AK8: variants seen among roughly 807,000 people sequenced by gnomAD.
AK8 encodes the protein adenylate kinase 8, also known as ATP-AMP transphosphorylase 8.
AK8 carries 44 observed loss-of-function variants against 54.6 expected under a neutral mutation model. That is an observed-to-expected ratio of 0.81 (90% CI 0.63 to 1.04). The LOEUF (loss-of-function observed/expected upper bound fraction) is 1.04, where lower values mean the gene tolerates loss of function less well. Among genes scored for constraint, AK8 ranks in the 50% least tolerant of loss-of-function variants. The pLI, the probability that AK8 is intolerant of heterozygous loss-of-function variation, is 0.00. For synonymous variants in AK8, 239 were observed against 245.6 expected (o/e 0.97, Z 0.25); for missense variants, 555 against 613.6 (o/e 0.90, Z 1.01).
chr9:132,836,232 G>A (rs1842318598), intron 5 of AK8, among the ~76,000 whole-genome samples: 1 of 152,162 alleles, frequency 6.6e-6, no homozygotes, highest in South Asian at 2.1e-4. Context: ...GAGGCTGCAG[G>A]GAGCTATAAT....
At chr9:132,810,298 C>A (rs375618192) in intron 10 of AK8, among the ~76,000 whole-genome samples, 2 of 152,004 alleles carry the variant, frequency 1.3e-5, no homozygotes, top group Admixed American at 1.3e-4. Flanking sequence ...CATTGAAGAT[C>A]GAAGTGATCC....
At chr9:132,802,234 T>C (rs562845465) in intron 10 of AK8, among the ~76,000 whole-genome samples, 3 of 152,066 alleles carry the variant, frequency 2.0e-5, no homozygotes, top group Non-Finnish European at 4.4e-5. Flanking sequence ...TGAACAAAAC[T>C]AAAATGTTCA....
At chr9:132,848,448 G>C (rs1402448639) in intron 5 of AK8, among the ~76,000 whole-genome samples, 1 of 152,156 alleles carries the variant, frequency 6.6e-6, no homozygotes, top group Non-Finnish European at 1.5e-5. Flanking sequence ...TTGACACTCT[G>C]AGTTAAGAGT....
intron 9 of AK8, among the ~76,000 whole-genome samples, chr9:132,816,843 C>T (rs1247465436): frequency 1.3e-5 from 2 of 152,178 alleles, no homozygotes; most frequent in Non-Finnish European, 2.9e-5. Context: ...TCAGCAGTCT[C>T]ACTGGGTGGA....
intron 3 of AK8, among the ~76,000 whole-genome samples, chr9:132,866,054 C>T (rs777969318): frequency 5.3e-5 from 8 of 149,710 alleles, no homozygotes; most frequent in South Asian, 2.1e-4. Context: ...ATAAATTAGC[C>T]GCGCATGGTG....
At position 132,863,713 on chromosome 9, in the gene AK8, C is replaced by T. The variant is rs548298164; in HGVS notation, c.285G>A (p.Glu95=). ...LLTLENLILN[E]FSYTATEARR... The stretch of plus-strand genomic sequence containing the variant: ...TGGCTTCGGTGGCCGTATAGGAAAA[C>T]TCATTTAAGATCAGGTTCTCCAGGG... The change falls in exon 4 of 13, where the codon GAG becomes GAA. Residue 95 remains glutamate, a synonymous_variant. Coordinates refer to ENST00000298545, the MANE Select transcript of AK8 (RefSeq NM_152572.3). 1.2e-6 allele frequency: 2 copies of T among 1,614,138 alleles called. No individual in the cohort carries two copies. The highest frequency in any genetic ancestry group is 2.2e-5 in the East Asian group (1 of 44,888).
At chr9:132,853,783 C>CAAAAAAAAAA (rs71376669) in intron 5 of AK8, among the ~76,000 whole-genome samples, 22 of 42,590 alleles carry the variant, frequency 5.2e-4, no homozygotes, top group Non-Finnish European at 6.3e-4. Context: ...GACTCTGCCT[C>CAAAAAAAAAA]AAAAAAAAAA....
chr9:132,865,442 C>T (rs565762471), intron 3 of AK8, among the ~76,000 whole-genome samples: 4 of 152,282 alleles, frequency 2.6e-5, no homozygotes, highest in Non-Finnish European at 4.4e-5. Flanking sequence ...AGGAAGGGTT[C>T]GCTGATGTTC....
rs149825252 is a variant in AK8 at position 132,837,235 on chromosome 9, C to T, written c.403-8509G>A. ...TCGGGAGACTGAGGCAGGAGAATCG[C>T]TTGAATCTTGGAGGCAGAGGTTGCA... On this transcript the variant is annotated intron_variant, in intron 5 of 12. Coordinates refer to ENST00000298545, the MANE Select transcript of AK8 (RefSeq NM_152572.3). The surrounding 1 kb of genome is among the most constrained non-coding windows in gnomAD (Gnocchi z 4.3). Among the ~76,000 whole-genome samples the T allele has an allele frequency of 7.5e-3, 1,126 of 149,596 alleles. 12 individuals carry two copies. Among genetic ancestry groups the T allele is most frequent in the African/African-American group, 0.026 (1,061 of 40,850 alleles).
At chr9:132,798,065 C>T (rs976491087) in intron 10 of AK8, among the ~76,000 whole-genome samples, 10 of 152,240 alleles carry the variant, frequency 6.6e-5, no homozygotes, top group South Asian at 2.1e-4. Context: ...CCTCTCCCAG[C>T]GCACAGGGAT....
At chr9:132,793,812 T>C (rs1840040978) in intron 10 of AK8, among the ~76,000 whole-genome samples, 2 of 152,222 alleles carry the variant, frequency 1.3e-5, no homozygotes, top group Admixed American at 1.3e-4. Flanking sequence ...TGGTAAATAT[T>C]ACCATTGTTT....
In AK8 at chr9:132,745,176, C is replaced by T. The variant is rs1004688342; in HGVS notation, c.1122-17642G>A. Among the ~76,000 whole-genome samples the T allele has an allele frequency of 2.6e-5, 4 of 152,242 alleles. No individual in the cohort carries two copies. In the East Asian group the frequency reaches 7.7e-4, roughly 29 times the overall value. ...GAGCGAGATACGCTTTACGGTGGGGCCTTATGAATGTTTACAGGCGATTAA... is the reference window on the plus strand; with the variant it reads ...GAGCGAGATACGCTTTACGGTGGGGTCTTATGAATGTTTACAGGCGATTAA... On this transcript the variant is annotated intron_variant, in intron 11 of 12. Coordinates refer to ENST00000298545, the MANE Select transcript of AK8 (RefSeq NM_152572.3).
intron 11 of AK8, among the ~76,000 whole-genome samples, chr9:132,743,860 C>T (rs1466868223): frequency 1.3e-5 from 2 of 152,204 alleles, no homozygotes; most frequent in Non-Finnish European, 2.9e-5. Context: ...GTGTTGCCTC[C>T]AGGCTGGACT....
In AK8 at chr9:132,791,498, A is replaced by T. The variant is rs139340316; in HGVS notation, c.1121+1136T>A. ...GTTTCTTTTTGTACATGATAAAATC[A>T]TTATAGTGCTCGTTTGGAATAATAA... is the stretch of plus-strand genomic sequence containing the variant. On this transcript the variant is annotated intron_variant, in intron 11 of 12. Transcript: ENST00000298545. This position sits in a 1 kb window ranked among gnomAD's most constrained non-coding sequence, Gnocchi z 4.0. Among the ~76,000 whole-genome samples, 1,227 of 152,338 alleles carry T rather than the reference A, an allele frequency of 8.1e-3. 36 individuals carry two copies. Among genetic ancestry groups the T allele is most frequent in the Admixed American group, 0.06 (916 of 15,308 alleles).
chr9:132,736,784 C>CAA lies in AK8; in HGVS notation c.1122-9252_1122-9251dup, dbSNP rs201150328. Among the ~76,000 whole-genome samples the CAA allele has an allele frequency of 6.1e-3, 406 of 66,116 alleles. 3 individuals carry two copies. Among genetic ancestry groups the CAA allele is most frequent in the African/African-American group, 0.016 (235 of 14,450 alleles). The allele number at this position is 66,116 out of a possible 152,430, so 43.4% of individuals were successfully genotyped here. A position where few individuals can be genotyped will look rare whatever the true frequency, so the allele number is the denominator to read the frequency against. On this transcript the variant is annotated intron_variant, in intron 11 of 12. Transcript: ENST00000298545. ...TGGGTGACAGAGTGAGAATCCATCTCAAAAAAAAAAAAAAAAAAGGCATAA... is the reference window on the plus strand; with the variant it reads ...TGGGTGACAGAGTGAGAATCCATCTCAAAAAAAAAAAAAAAAAAAAGGCATAA...
chr9:132,792,487 G>T, intron 11 of AK8, 147 bp downstream of exon 11: 1 of 1,190,860 alleles, frequency 8.4e-7, no homozygotes. Flanking sequence ...CCGGGCAGAT[G>T]GGATGGGTGG....
At chr9:132,852,141 T>C (rs1341313996) in intron 5 of AK8, among the ~76,000 whole-genome samples, 1 of 152,122 alleles carries the variant, frequency 6.6e-6, no homozygotes, top group Non-Finnish European at 1.5e-5. Context: ...ACCCTGACAA[T>C]AGTTCAATAC....
chr9:132,872,240 G>A (rs1452312148), intron 2 of AK8, among the ~76,000 whole-genome samples: 2 of 152,168 alleles, frequency 1.3e-5, no homozygotes, highest in African/African-American at 2.4e-5. Context: ...GGAGGCTGAG[G>A]CAGGAGGATC....
At chr9:132,800,305 C>T (rs200121715) in intron 10 of AK8, among the ~76,000 whole-genome samples, 8 of 152,222 alleles carry the variant, frequency 5.3e-5, no homozygotes, top group East Asian at 1.9e-4. Flanking sequence ...TTGGTGATGC[C>T]GTTTGTTTGT....
Sources: allele counts gnomAD v4.1 joint callset (sites outside exome capture counted in the v4.1 genomes callset), GRCh38; gene constraint gnomAD v4.1.1; non-coding constraint Gnocchi (gnomAD v3.1); transcripts MANE v1.5; gene names NCBI Gene and HGNC (gene_info 2026-07-23, HGNC 2026-07-21).